Variants in SYNE2 observed in about 807,000 individuals in gnomAD.
The protein encoded by SYNE2 is spectrin repeat containing nuclear envelope protein 2.
SYNE2 carries 431 observed loss-of-function variants against 856.3 expected under a neutral mutation model. The ratio of observed to expected loss-of-function variants is 0.50; its 90% CI spans 0.47 to 0.55. SYNE2 has a LOEUF of 0.55. Among genes scored for constraint, SYNE2 ranks in the 20% least tolerant of loss-of-function variants. The pLI is 0.00. For synonymous variants in SYNE2, 2,923 were observed against 2,872.3 expected (o/e 1.02, Z -0.56); for missense variants, 8,129 against 8,023.2 (o/e 1.01, Z -0.50).
At chr14:64,181,645 T>TA (rs2098458641) in intron 96 of SYNE2, among the ~76,000 whole-genome samples, 1 of 152,132 alleles carries the variant, frequency 6.6e-6, no homozygotes, top group Admixed American at 6.5e-5. Context: ...TCATCCCTGA[T>TA]TCACCTGGGG....
chr14:64,115,752 A>AC (rs1269874299), intron 66 of SYNE2, among the ~76,000 whole-genome samples: 1 of 152,170 alleles, frequency 6.6e-6, no homozygotes, highest in Non-Finnish European at 1.5e-5. Flanking sequence ...CATTTATATA[A>AC]CATAACACAA....
At chr14:64,021,541 T>G in intron 36 of SYNE2, 26 bp downstream of exon 36, 4 of 1,611,924 alleles carry the variant, frequency 2.5e-6, no homozygotes, top group Non-Finnish European at 3.4e-6. Flanking sequence ...TTGTCTTCTG[T>G]GGTTCAGATT....
chr14:64,030,986 G>A, intron 44 of SYNE2, 30 bp from the exon 45 acceptor site: 4 of 1,514,668 alleles, frequency 2.6e-6, no homozygotes, highest in Non-Finnish European at 3.7e-6. Context: ...CAATTGAATG[G>A]AGATATAACA....
At chr14:64,029,474 C>T (rs575208598) in intron 43 of SYNE2, among the ~76,000 whole-genome samples, 68 of 152,254 alleles carry the variant, frequency 4.5e-4, no homozygotes, top group African/African-American at 1.5e-3. Flanking sequence ...AGACATGAAT[C>T]TGAGGTTAGT....
intron 2 of SYNE2, among the ~76,000 whole-genome samples, chr14:63,939,697 C>T (rs1260622788): frequency 6.6e-6 from 1 of 152,188 alleles, no homozygotes; most frequent in Non-Finnish European, 1.5e-5. Context: ...GTGCCAGAGT[C>T]TATGCTAATC....
At chr14:63,946,498 GGA>G (rs1445488024) in intron 6 of SYNE2, among the ~76,000 whole-genome samples, 6 of 88,274 alleles carry the variant, frequency 6.8e-5, no homozygotes, top group Non-Finnish European at 1.5e-4. Context: ...CATATATACT[GGA>G]GATCATATAT....
chr14:64,067,635 G>A (rs1480686197), intron 51 of SYNE2, among the ~76,000 whole-genome samples: 1 of 152,124 alleles, frequency 6.6e-6, no homozygotes, highest in Non-Finnish European at 1.5e-5. Context: ...ATGAAATAAA[G>A]TTTATATTAG....
In SYNE2 at chr14:64,223,268, G is replaced by T. The variant is rs1334926744; in HGVS notation, c.20270G>T (p.Gly6757Val). ...QEISNSLLIKGHGEDCIEAEE... is the reference protein window; with the variant it reads ...QEISNSLLIKVHGEDCIEAEE... ...ATTTCAAACAGCCTTCTCATTAAGG[G>T]ACATGGAGAAGACTGTATTGAAGCT... Residue 6757 changes from glycine (G) to valine (V), a missense_variant, in exon 113 of 116, where the codon GGA becomes GTA. Transcript: ENST00000555002. 6.2e-7 allele frequency: 1 copy of T among 1,614,170 alleles called. No individual in the cohort carries two copies. The highest frequency in any genetic ancestry group is 1.6e-4 in the Middle Eastern group (1 of 6,062).
Position 64,225,007 on chromosome 14 carries a change from A to G in SYNE2, c.20478A>G (p.Ala6826=). ...GTTTCTTTACCCAGCAGTTCAGAGCAGTGAGAACTACAGAAGGCGAGGAGG... is the reference window on the plus strand; with the variant it reads ...GTTTCTTTACCCAGCAGTTCAGAGCGGTGAGAACTACAGAAGGCGAGGAGG... ...SVPAPRAKFR[A]VRTTEGEEET... Residue 6826 remains alanine (A), a synonymous_variant, in exon 115 of 116, where the codon GCA becomes GCG. Coordinates refer to ENST00000555002, the MANE Select transcript of SYNE2 (RefSeq NM_182914.3). The G allele has an allele frequency of 1.2e-6, 2 of 1,613,904 alleles. No individual in the cohort carries two copies. Among genetic ancestry groups the G allele is most frequent in the Non-Finnish European group, 8.5e-7 (1 of 1,179,958 alleles).
At chr14:63,948,422 G>A (rs1317717013) in intron 6 of SYNE2, among the ~76,000 whole-genome samples, 1 of 151,840 alleles carries the variant, frequency 6.6e-6, no homozygotes, top group African/African-American at 2.4e-5. Context: ...CCAGCATTTT[G>A]GGAGGCTGAG....
chr14:63,799,965 G>A (rs1888070818), intron 1 of SYNE2, among the ~76,000 whole-genome samples: 1 of 152,124 alleles, frequency 6.6e-6, no homozygotes, highest in Admixed American at 6.5e-5. Context: ...GGAATTTGTT[G>A]TACAGAATTG....
intron 21 of SYNE2, among the ~76,000 whole-genome samples, chr14:63,993,626 C>T (rs1170065279): frequency 6.6e-6 from 1 of 152,160 alleles, no homozygotes; most frequent in Non-Finnish European, 1.5e-5. Flanking sequence ...AATATTTTGG[C>T]ACTCTTTTGA....
intron 18 of SYNE2, among the ~76,000 whole-genome samples, chr14:63,985,345 AAAAG>A (rs2096617493): frequency 6.6e-6 from 1 of 151,894 alleles, no homozygotes; most frequent in Non-Finnish European, 1.5e-5. Context: ...AAAAAAAAAA[AAAAG>A]AGTGTATCTG....
At chr14:64,067,062 T>A (rs1376691621) in intron 51 of SYNE2, among the ~76,000 whole-genome samples, 1 of 152,242 alleles carries the variant, frequency 6.6e-6, no homozygotes, top group Non-Finnish European at 1.5e-5. Context: ...CCTTTTATTT[T>A]ATCACATTAT....
At chr14:64,170,997 T>TG (rs1182777196) in intron 94 of SYNE2, among the ~76,000 whole-genome samples, 1 of 152,194 alleles carries the variant, frequency 6.6e-6, no homozygotes, top group African/African-American at 2.4e-5. Flanking sequence ...GATAAATGCT[T>TG]GAGGGGATGG....
At position 64,003,323 on chromosome 14, in the gene SYNE2, A is replaced by T; in HGVS notation, c.4390A>T (p.Lys1464Ter). 6.2e-7 allele frequency: 1 copy of T among 1,614,104 alleles called. No individual in the cohort carries two copies. The highest frequency in any genetic ancestry group is 8.5e-7 in the Non-Finnish European group (1 of 1,180,024). Residue 1464 changes from lysine to a stop codon, truncating the protein, a stop_gained, in exon 30 of 116, where the codon AAA becomes TAA. Coordinates refer to ENST00000555002, the MANE Select transcript of SYNE2 (RefSeq NM_182914.3). LOFTEE classifies it high-confidence loss of function. ...TAAGGATCCTACTGTTCCAGCTGTG[A>T]AACATCGGTAAGTATTGTCCATCCA... ...GLKDPTVPAV[K>*]HRKKSLIRLD...
chr14:64,035,924 G>A (rs2097085802), intron 45 of SYNE2, among the ~76,000 whole-genome samples: 1 of 143,012 alleles, frequency 7.0e-6, no homozygotes, highest in African/African-American at 2.6e-5. Flanking sequence ...GGGTAGTCTT[G>A]AAGTTATCTT....
At chr14:63,835,086 A>G (rs960277479) in intron 1 of SYNE2, among the ~76,000 whole-genome samples, 5 of 152,136 alleles carry the variant, frequency 3.3e-5, no homozygotes, top group African/African-American at 1.2e-4. Flanking sequence ...TTGACGGCAT[A>G]TTATGTGCCT....
At position 64,053,601 on chromosome 14, in the gene SYNE2, C is replaced by CT; in HGVS notation, c.9689dup (p.Arg3231ThrfsTer2). On this transcript the variant is annotated frameshift_variant, in exon 48 of 116. Transcript: ENST00000555002. LOFTEE classifies it high-confidence loss of function. ...TGAAGCGAGTGATGTGGAGACAAAACTACGTGAGTTTGAAGATCTTCAGAT... is the reference window on the plus strand; with the variant it reads ...TGAAGCGAGTGATGTGGAGACAAAACTTACGTGAGTTTGAAGATCTTCAGAT... The CT allele has an allele frequency of 6.2e-7, 1 of 1,613,304 alleles. No homozygotes were observed. Among genetic ancestry groups the CT allele is most frequent in the Non-Finnish European group, 8.5e-7 (1 of 1,179,816 alleles).
Sources: gnomAD v4.1 joint callset for allele counts (sites outside exome capture counted in the v4.1 genomes callset) on GRCh38, gnomAD v4.1.1 for gene constraint, MANE v1.5 for transcripts, NCBI Gene and HGNC (gene_info 2026-07-23, HGNC 2026-07-21) for gene names.